The following TNFSF4 variants were observed in gnomAD, a reference collection of about 807,000 sequenced individuals.
TNFSF4 encodes the protein TNF superfamily member 4, also known as tumor necrosis factor ligand superfamily member 4.
Under a neutral mutation model 7.3 loss-of-function variants are expected in TNFSF4, and 4 were observed. That is an observed-to-expected ratio of 0.55 (90% CI 0.27 to 1.25). The LOEUF (loss-of-function observed/expected upper bound fraction) is 1.25. Ranked by LOEUF, TNFSF4 falls within the 50% of genes most tolerant of loss-of-function variation. The probability of loss-of-function intolerance (pLI) is 0.12; values close to 1 mark genes in which losing one functional copy is unlikely to be tolerated. For missense variants in TNFSF4, 181 were observed against 208.8 expected (o/e 0.87, Z 0.82); for synonymous variants, 76 against 83.7 (o/e 0.91, Z 0.50).
chr1:173,326,940 G>A, the TNFSF4 span, among the ~76,000 whole-genome samples: 13 of 152,140 alleles, frequency 8.5e-5, no homozygotes, highest in African/African-American at 3.1e-4. Context: ...TGGCCATACT[G>A]CCCAAGGTAA....
At chr1:173,384,226 A>AG in the TNFSF4 span, among the ~76,000 whole-genome samples, 1 of 152,238 alleles carries the variant, frequency 6.6e-6, no homozygotes, top group African/African-American at 2.4e-5. Context: ...ACATTTTAGA[A>AG]GGGGGAGATA....
At chr1:173,255,141 G>A in the TNFSF4 span, among the ~76,000 whole-genome samples, 3 of 152,132 alleles carry the variant, frequency 2.0e-5, no homozygotes, top group Admixed American at 6.6e-5. Context: ...AAACCTCAAC[G>A]CTCATGCCCC....
chr1:173,420,757 T>G, the TNFSF4 span, among the ~76,000 whole-genome samples: 7 of 152,340 alleles, frequency 4.6e-5, no homozygotes, highest in African/African-American at 1.7e-4. Flanking sequence ...AGTTGTTAAT[T>G]ATGTAATTAC....
At chr1:173,180,822 AGGG>A (rs1168817336), downstream of TNFSF4, among the ~76,000 whole-genome samples, 1 of 152,240 alleles carries the variant, frequency 6.6e-6, no homozygotes, top group African/African-American at 2.4e-5. Flanking sequence ...CATGTGTGTT[AGGG>A]ATACGATGAA....
the TNFSF4 span, among the ~76,000 whole-genome samples, chr1:173,377,751 C>T: frequency 1.3e-5 from 2 of 152,182 alleles, no homozygotes; most frequent in Non-Finnish European, 2.9e-5. Context: ...CAAAGCCCTG[C>T]CAGGGTGGGG....
At chr1:173,410,855 A>G in the TNFSF4 span, among the ~76,000 whole-genome samples, 140,898 of 152,268 alleles carry the variant, frequency 0.93, 65,230 homozygotes, top group South Asian at 0.97. Flanking sequence ...TTAAACCCCA[A>G]CTTTCCAGCA....
the TNFSF4 span, among the ~76,000 whole-genome samples, chr1:173,396,396 G>C: frequency 6.6e-6 from 1 of 152,116 alleles, no homozygotes; most frequent in African/African-American, 2.4e-5. Flanking sequence ...TGTGGTCCCA[G>C]CTACTCAGGA....
chr1:173,387,073 C>G, the TNFSF4 span, among the ~76,000 whole-genome samples: 40 of 152,178 alleles, frequency 2.6e-4, 1 homozygote, highest in South Asian at 8.3e-3. Context: ...AGATGAGGCT[C>G]TGGACTTTAG....
the TNFSF4 span, among the ~76,000 whole-genome samples, chr1:173,368,631 C>A: frequency 1.1e-4 from 17 of 152,166 alleles, no homozygotes; most frequent in African/African-American, 4.1e-4. Flanking sequence ...GAACCAGATT[C>A]CGCTTTCCCT....
chr1:173,187,340 G>A (rs1649274426), intron 2 of TNFSF4, among the ~76,000 whole-genome samples: 5 of 152,196 alleles, frequency 3.3e-5, no homozygotes, highest in Admixed American at 2.0e-4. Flanking sequence ...TGGGCAAAGG[G>A]TGGCAGTGGT....
chr1:173,366,073 C>T, the TNFSF4 span, among the ~76,000 whole-genome samples: 10 of 152,152 alleles, frequency 6.6e-5, no homozygotes, highest in East Asian at 1.9e-3. Flanking sequence ...TTTAGAGGTT[C>T]CTCAAAAAAC....
chr1:173,312,860 A>G, the TNFSF4 span, among the ~76,000 whole-genome samples: 4,165 of 152,216 alleles, frequency 0.027, 112 homozygotes, highest in East Asian at 0.13. Context: ...CTACACGTGG[A>G]TCCAGGCCCT....
At chr1:173,392,022 C>A in the TNFSF4 span, among the ~76,000 whole-genome samples, 3 of 152,130 alleles carry the variant, frequency 2.0e-5, no homozygotes, top group Admixed American at 6.5e-5. Context: ...TGGCTACAAA[C>A]CCTGAGATAA....
At chr1:173,368,607 C>T in the TNFSF4 span, among the ~76,000 whole-genome samples, 3 of 152,142 alleles carry the variant, frequency 2.0e-5, no homozygotes, top group East Asian at 1.9e-4. Flanking sequence ...GAGTTGGGAG[C>T]GTTGGTTTTC....
chr1:173,444,771 G>C, the TNFSF4 span, among the ~76,000 whole-genome samples: 1 of 152,036 alleles, frequency 6.6e-6, no homozygotes, highest in African/African-American at 2.4e-5. Flanking sequence ...ATGAATCAGA[G>C]GCTAAATAAA....
the TNFSF4 span, among the ~76,000 whole-genome samples, chr1:173,383,324 G>A: frequency 1.3e-5 from 2 of 152,208 alleles, no homozygotes; most frequent in African/African-American, 4.8e-5. Context: ...CATCAGTAAT[G>A]TTTATTGAGT....
At chr1:173,263,855 G>A in the TNFSF4 span, among the ~76,000 whole-genome samples, 12 of 152,192 alleles carry the variant, frequency 7.9e-5, no homozygotes, top group African/African-American at 2.7e-4. Context: ...GAGAGGAAAA[G>A]GCTGTGAGCA....
chr1:173,219,408 G>A, the TNFSF4 span, among the ~76,000 whole-genome samples: 3 of 152,060 alleles, frequency 2.0e-5, no homozygotes, highest in African/African-American at 7.2e-5. Flanking sequence ...CATCTGTTTT[G>A]TTGGCTTGAA....
At chr1:173,298,157 A>C in the TNFSF4 span, among the ~76,000 whole-genome samples, 1 of 151,928 alleles carries the variant, frequency 6.6e-6, no homozygotes, top group Non-Finnish European at 1.5e-5. Context: ...AGAGAGACTT[A>C]GAAATGAACA....
Sources: allele counts gnomAD v4.1 joint callset (sites outside exome capture counted in the v4.1 genomes callset), GRCh38; gene constraint gnomAD v4.1.1; transcripts MANE v1.5; gene names NCBI Gene and HGNC (gene_info 2026-07-23, HGNC 2026-07-21).